HDDC2: variants seen among roughly 807,000 people sequenced by gnomAD.
The protein encoded by HDDC2 is HD domain containing 2.
A neutral mutation model predicts 25.5 loss-of-function variants in HDDC2; 25 were observed. That is an observed-to-expected ratio of 0.98 (90% confidence interval 0.72 to 1.37). The LOEUF is 1.37. Ranked by LOEUF, HDDC2 falls within the 40% of genes most tolerant of loss-of-function variation. HDDC2 has a pLI of 0.00. For missense variants in HDDC2, 264 were observed against 253.1 expected (o/e 1.04, Z -0.29); for synonymous variants, 106 against 89.7 (o/e 1.18, Z -1.03).
chr6:125,281,141 A>G (rs1323594788), intron 4 of HDDC2, among the ~76,000 whole-genome samples: 2 of 152,206 alleles, frequency 1.3e-5, no homozygotes, highest in African/African-American at 2.4e-5. Context: ...AAACTAAGAA[A>G]CAGAAAGCAA....
chr6:125,292,731 A>G, intron 4 of HDDC2, 110 bp downstream of exon 4: 1 of 816,976 alleles, frequency 1.2e-6, no homozygotes. Context: ...CAAACCAGAC[A>G]GTAATAAGTT....
chr6:125,300,365 A>G (rs1798776606), intron 2 of HDDC2, 173 bp downstream of exon 2: 1 of 736,092 alleles, frequency 1.4e-6, no homozygotes, highest in Non-Finnish European at 2.1e-6. Context: ...ATTGCAGTTT[A>G]CAACAACTGA....
chr6:125,295,135 G>A (rs1798690353), intron 3 of HDDC2, among the ~76,000 whole-genome samples: 1 of 152,190 alleles, frequency 6.6e-6, no homozygotes, highest in African/African-American at 2.4e-5. Context: ...GAGTATGCCA[G>A]CCTTTCCCTT....
rs1373955905 is a variant in HDDC2 at position 125,298,730 on chromosome 6, T to G, written c.293A>C (p.Lys98Thr). ...AACACTGACCTCTTCTCGCCTATGT[T>G]TTTCTTCTTTGGGGATGTTATCTGC... ...APADNIPKEE[K>T]HRREEEAMKQ... Residue 98 changes from lysine (K) to threonine (T), a missense_variant, in exon 3 of 6, where the codon AAA becomes ACA. Lys to Thr is a moderately conservative substitution (Grantham distance 78). Coordinates refer to ENST00000398153, the MANE Select transcript of HDDC2 (RefSeq NM_016063.3). The G allele has an allele frequency of 6.2e-7, 1 of 1,614,018 alleles. No individual in the cohort carries two copies. The highest frequency in any genetic ancestry group is 1.1e-5 in the South Asian group (1 of 91,080).
chr6:125,292,701 TG>T (rs1411770430), intron 4 of HDDC2, 139 bp downstream of exon 4: 3 of 698,488 alleles, frequency 4.3e-6, no homozygotes, highest in East Asian at 5.1e-5. Flanking sequence ...CTGCAGCAGC[TG>T]GGAAGTGAGA....
intron 4 of HDDC2, chr6:125,277,501 G>A (rs753434248): frequency 2.6e-6 from 1 of 380,762 alleles, no homozygotes. Context: ...TTCATCTTAG[G>A]TACTTTCAAG....
At chr6:125,277,710 C>T (rs1798391828) in intron 4 of HDDC2, 1 of 153,472 alleles carries the variant, frequency 6.5e-6, no homozygotes, top group African/African-American at 2.4e-5. Context: ...CTTTTGGTTA[C>T]CACTTTACCT....
intron 4 of HDDC2, among the ~76,000 whole-genome samples, chr6:125,292,285 C>T (rs1798643969): frequency 6.6e-6 from 1 of 152,114 alleles, no homozygotes; most frequent in Non-Finnish European, 1.5e-5. Flanking sequence ...ACAGCTGAAC[C>T]TGCCCTTTCC....
intron 4 of HDDC2, among the ~76,000 whole-genome samples, chr6:125,289,616 T>C (rs1279976855): frequency 6.6e-6 from 1 of 152,142 alleles, no homozygotes; most frequent in African/African-American, 2.4e-5. Flanking sequence ...TCTTCCCCTC[T>C]CCAACCTCCT....
In HDDC2 at chr6:125,277,175, A is replaced by C; in HGVS notation, c.444T>G (p.Ile148Met). 6.2e-7 allele frequency: 1 copy of C among 1,614,110 alleles called. No homozygotes were observed. Among genetic ancestry groups the C allele is most frequent in the Non-Finnish European group, 8.5e-7 (1 of 1,179,964 alleles). Reference protein sequence around the residue: ...FVKQLDQCEMILQASEYEDLE... With the variant: ...FVKQLDQCEMMLQASEYEDLE... The stretch of plus-strand genomic sequence containing the variant: ...GGTCTTCATATTCAGATGCTTGAAG[A>C]ATCATTTCACATTGGTCTAGCTGCT... Residue 148 changes from isoleucine to methionine, a missense_variant, in exon 5 of 6, where the codon ATT becomes ATG. Ile to Met is a conservative substitution (Grantham distance 10). Transcript: ENST00000398153.
intron 4 of HDDC2, among the ~76,000 whole-genome samples, chr6:125,281,604 T>C (rs1474985086): frequency 6.6e-6 from 1 of 152,106 alleles, no homozygotes; most frequent in Non-Finnish European, 1.5e-5. Flanking sequence ...GAAGAAAGCA[T>C]ACCAGAGACT....
chr6:125,286,464 A>T (rs972612558), intron 4 of HDDC2, among the ~76,000 whole-genome samples: 3 of 152,220 alleles, frequency 2.0e-5, no homozygotes, highest in Non-Finnish European at 4.4e-5. Context: ...GATAAAGCAA[A>T]TGAGTATTTA....
At position 125,300,462 on chromosome 6, in the gene HDDC2, G is replaced by A. The variant is rs1222767745; in HGVS notation, c.206+76C>T. On this transcript the variant is annotated intron_variant, in intron 2 of 5. Coordinates refer to ENST00000398153, the MANE Select transcript of HDDC2 (RefSeq NM_016063.3). ...AAACTAACCTACAAGGATTTGACAT[G>A]GGTCTCAGTAGTAAAAACGGGTGCA... 2.7e-6 allele frequency: 4 copies of A among 1,499,568 alleles called. No homozygotes were observed. The Admixed American group carries it at 6.9e-5, about 26-fold the overall frequency. 92.9% of individuals were successfully genotyped at this position (1,499,568 alleles called of 1,614,324 possible).
Position 125,292,845 on chromosome 6 carries a change from C to T in HDDC2, c.374G>A (p.Trp125Ter). 6.2e-7 allele frequency: 1 copy of T among 1,611,144 alleles called. No individual in the cohort carries two copies. The highest frequency in any genetic ancestry group is 8.5e-7 in the Non-Finnish European group (1 of 1,177,986). The change falls in exon 4 of 6, where the codon TGG becomes TAG. Residue 125 changes from tryptophan to a stop codon, truncating the protein, a stop_gained. Transcript: ENST00000398153. LOFTEE classifies it high-confidence loss of function. ...TAACGTACCATATATACTTACTTCC[C>T]AAAGTTCATAGAGCTCCTTTCTGAG... ...EDLRKELYEL[W>*]EEYETQSSAE...
intron 1 of HDDC2, among the ~76,000 whole-genome samples, chr6:125,301,319 G>A (rs1798798248): frequency 6.6e-6 from 1 of 152,116 alleles, no homozygotes; most frequent in Non-Finnish European, 1.5e-5. Context: ...CGTTTGGGGG[G>A]TGGCCGGGAG....
intron 4 of HDDC2, among the ~76,000 whole-genome samples, chr6:125,285,535 A>G (rs1480362834): frequency 6.6e-6 from 1 of 152,146 alleles, no homozygotes; most frequent in Non-Finnish European, 1.5e-5. Context: ...AGATAAGGTG[A>G]CAAATAGTGA....
chr6:125,283,358 AAG>A (rs1455541524), intron 4 of HDDC2, among the ~76,000 whole-genome samples: 1 of 152,198 alleles, frequency 6.6e-6, no homozygotes, highest in African/African-American at 2.4e-5. Flanking sequence ...TTCAAATAGG[AAG>A]AGAGGAAGTC....
chr6:125,285,506 A>G (rs1798520174), intron 4 of HDDC2, among the ~76,000 whole-genome samples: 1 of 152,174 alleles, frequency 6.6e-6, no homozygotes, highest in Admixed American at 6.5e-5. Context: ...GCAGAAATGA[A>G]GATGATATAA....
intron 4 of HDDC2, among the ~76,000 whole-genome samples, chr6:125,286,544 C>A (rs556454185): frequency 6.6e-6 from 1 of 152,112 alleles, no homozygotes; most frequent in African/African-American, 2.4e-5. Context: ...AAAAAGGATA[C>A]GCACCACAAT....
Sources: gnomAD v4.1 joint callset for allele counts (sites outside exome capture counted in the v4.1 genomes callset) on GRCh38, gnomAD v4.1.1 for gene constraint, MANE v1.5 for transcripts, NCBI Gene and HGNC (gene_info 2026-07-23, HGNC 2026-07-21) for gene names.